C8orf89: variants seen among roughly 807,000 people sequenced by gnomAD.
The protein encoded by C8orf89 is chromosome 8 open reading frame 89.
In C8orf89, 14 loss-of-function variants were observed where a neutral mutation model predicts 15.8. The observed-to-expected ratio is 0.89, with a 90% CI of 0.59 to 1.39. The LOEUF is 1.39. Ranked by LOEUF, C8orf89 falls within the 40% of genes most tolerant of loss-of-function variation. C8orf89 has a pLI of 0.00. For synonymous variants in C8orf89, 55 were observed against 62.2 expected (o/e 0.88, Z 0.54); for missense variants, 181 against 184.5 (o/e 0.98, Z 0.11).
At chr8:73,254,314 G>A (rs1586165008) in intron 2 of C8orf89, among the ~76,000 whole-genome samples, 1 of 151,958 alleles carries the variant, frequency 6.6e-6, no homozygotes, top group Non-Finnish European at 1.5e-5. Context: ...GCTTTTTGAT[G>A]TGCTGCTGGA....
intron 3 of C8orf89, among the ~76,000 whole-genome samples, chr8:73,242,828 C>T (rs193181710): frequency 2.0e-5 from 3 of 152,206 alleles, no homozygotes; most frequent in Admixed American, 1.3e-4. Flanking sequence ...GAAGGGAAAT[C>T]GGTATATCAA....
chr8:73,261,994 T>G (rs557393502), upstream of C8orf89, among the ~76,000 whole-genome samples: 2 of 152,200 alleles, frequency 1.3e-5, no homozygotes, highest in Non-Finnish European at 2.9e-5. Flanking sequence ...TTTGATGTAC[T>G]TGAAGACAAA....
intron 3 of C8orf89, among the ~76,000 whole-genome samples, chr8:73,247,718 G>A (rs562366268): frequency 1.7e-4 from 26 of 151,850 alleles, no homozygotes; most frequent in Non-Finnish European, 3.2e-4. Flanking sequence ...TTTTTCATAT[G>A]CTTGTTTGGC....
chr8:73,276,805 A>ATTTTTTTT, the C8orf89 span, among the ~76,000 whole-genome samples: 228 of 87,622 alleles, frequency 2.6e-3, 12 homozygotes, highest in African/African-American at 5.8e-3. Context: ...CACAGCAGTC[A>ATTTTTTTT]TTTTTTTTTT....
intron 3 of C8orf89, among the ~76,000 whole-genome samples, chr8:73,248,413 G>C (rs1813173365): frequency 6.6e-6 from 1 of 151,206 alleles, no homozygotes; most frequent in Non-Finnish European, 1.5e-5. Context: ...GGATTGCCTT[G>C]GCTATTTTGG....
the C8orf89 span, among the ~76,000 whole-genome samples, chr8:73,268,569 C>G: frequency 1.3e-5 from 2 of 152,032 alleles, no homozygotes; most frequent in Non-Finnish European, 2.9e-5. Flanking sequence ...CTCTATGAGA[C>G]AATCAGGGTA....
chr8:73,272,634 G>A, the C8orf89 span, among the ~76,000 whole-genome samples: 3 of 151,508 alleles, frequency 2.0e-5, no homozygotes, highest in African/African-American at 4.9e-5. Context: ...GCCCCGGTGT[G>A]TGATGTTCCC....
chr8:73,278,636 C>T, the C8orf89 span, among the ~76,000 whole-genome samples: 1 of 152,198 alleles, frequency 6.6e-6, no homozygotes, highest in East Asian at 1.9e-4. Context: ...GTTGAAAGGA[C>T]TATTCCATAG....
the C8orf89 span, among the ~76,000 whole-genome samples, chr8:73,273,753 T>G: frequency 2.6e-5 from 4 of 151,630 alleles, no homozygotes; most frequent in African/African-American, 9.7e-5. Context: ...TGCCAGTTTT[T>G]TTTTTTTTTT....
intron 1 of C8orf89, among the ~76,000 whole-genome samples, chr8:73,257,809 A>G (rs1053378686): frequency 1.1e-4 from 17 of 152,250 alleles, no homozygotes; most frequent in Admixed American, 5.2e-4. Context: ...TTTTGAAAGT[A>G]TTCTCTACAA....
intron 2 of C8orf89, among the ~76,000 whole-genome samples, chr8:73,253,121 C>T (rs1390945112): frequency 6.6e-6 from 1 of 152,172 alleles, no homozygotes; most frequent in Admixed American, 6.5e-5. Context: ...CCAGCCTGGG[C>T]GACAGAGCTA....
intron 2 of C8orf89, among the ~76,000 whole-genome samples, chr8:73,255,485 A>T (rs998111725): frequency 2.6e-5 from 4 of 152,170 alleles, no homozygotes; most frequent in African/African-American, 9.7e-5. Flanking sequence ...GCTAGAGAGG[A>T]TGTGGAGAAA....
At chr8:73,261,297 C>T (rs1813524997), upstream of C8orf89, among the ~76,000 whole-genome samples, 1 of 152,154 alleles carries the variant, frequency 6.6e-6, no homozygotes, top group South Asian at 2.1e-4. Flanking sequence ...CGGTGAGAGA[C>T]AACAGGGTTC....
At chr8:73,255,580 A>G (rs1296596063) in intron 2 of C8orf89, among the ~76,000 whole-genome samples, 4 of 151,366 alleles carry the variant, frequency 2.6e-5, no homozygotes, top group African/African-American at 9.7e-5. Context: ...AACTAGAAAT[A>G]CCATTTGACC....
At chr8:73,261,899 T>C (rs940801167), upstream of C8orf89, among the ~76,000 whole-genome samples, 5 of 152,234 alleles carry the variant, frequency 3.3e-5, no homozygotes, top group Non-Finnish European at 5.9e-5. Flanking sequence ...TCCAGGCTTG[T>C]TCTCTAATGC....
intron 2 of C8orf89, among the ~76,000 whole-genome samples, chr8:73,252,965 C>A (rs911274921): frequency 6.6e-6 from 1 of 152,092 alleles, no homozygotes; most frequent in East Asian, 1.9e-4. Context: ...CAGGGTGAAA[C>A]CCCGTCTCTA....
At chr8:73,270,044 T>C in the C8orf89 span, among the ~76,000 whole-genome samples, 1 of 152,188 alleles carries the variant, frequency 6.6e-6, no homozygotes, top group Non-Finnish European at 1.5e-5. Flanking sequence ...TATAAGAACC[T>C]TCATTAAAAA....
intron 3 of C8orf89, among the ~76,000 whole-genome samples, chr8:73,247,019 G>C (rs1421861792): frequency 6.6e-6 from 1 of 152,126 alleles, no homozygotes; most frequent in Non-Finnish European, 1.5e-5. Flanking sequence ...TTAAAATAAG[G>C]TTTTAAAAAT....
the C8orf89 span, among the ~76,000 whole-genome samples, chr8:73,265,282 A>G: frequency 6.6e-6 from 1 of 152,218 alleles, no homozygotes; most frequent in African/African-American, 2.4e-5. Context: ...GGAGAATAAG[A>G]CAAGGTTTGA....
Sources: allele counts gnomAD v4.1 joint callset (sites outside exome capture counted in the v4.1 genomes callset), GRCh38; gene constraint gnomAD v4.1.1; transcripts MANE v1.5; gene names NCBI Gene and HGNC (gene_info 2026-07-23, HGNC 2026-07-21).